The following PTPRD variants were observed in gnomAD, a reference collection of about 807,000 sequenced individuals.
PTPRD encodes the protein receptor-type tyrosine-protein phosphatase delta.
PTPRD carries 34 observed loss-of-function variants against 214.5 expected under a neutral mutation model. The observed-to-expected ratio is 0.16, with a 90% confidence interval of 0.12 to 0.21. The LOEUF is 0.21. PTPRD is among the 10% of genes least tolerant of loss of function. The probability of loss-of-function intolerance (pLI) is 1.00; values close to 1 mark genes in which losing one functional copy is unlikely to be tolerated. For missense variants in PTPRD, 2,545 were observed against 2,398.7 expected, an observed-to-expected ratio of 1.06 and a Z score of -1.27; for synonymous variants, 1,128 against 845.7, an observed-to-expected ratio of 1.33 and a Z score of -5.79.
intron 7 of PTPRD, among the ~76,000 whole-genome samples, chr9:9,586,536 G>C (rs1347454874): frequency 1.3e-5 from 2 of 151,798 alleles, no homozygotes; most frequent in Admixed American, 6.6e-5. Context: ...CTATATTCAG[G>C]TTAATTTAGT....
intron 11 of PTPRD, among the ~76,000 whole-genome samples, chr9:8,786,315 T>C (rs989581400): frequency 2.0e-5 from 3 of 151,836 alleles, no homozygotes; most frequent in Non-Finnish European, 4.4e-5. Flanking sequence ...GTGTGTTCAA[T>C]GCCGTGGTTA....
chr9:9,901,844 C>A (rs1291109268), intron 5 of PTPRD, among the ~76,000 whole-genome samples: 1 of 152,048 alleles, frequency 6.6e-6, no homozygotes, highest in Non-Finnish European at 1.5e-5. Context: ...CATGTCAGAG[C>A]CAGAGAGCAA....
chr9:9,631,394 T>G (rs181363182), intron 7 of PTPRD, among the ~76,000 whole-genome samples: 2 of 152,268 alleles, frequency 1.3e-5, no homozygotes, highest in East Asian at 3.9e-4. Flanking sequence ...TCTTTTGGCA[T>G]GCACATTCAG....
rs553176371 is a variant in PTPRD, at chr9:9,385,790, C to T, written c.-203+11659G>A. Among the ~76,000 whole-genome samples the T allele has an allele frequency of 5.3e-5, 8 of 152,202 alleles. No individual in the cohort carries two copies. The East Asian group carries it at 7.7e-4, about 15-fold the overall frequency. On this transcript the variant is annotated intron_variant, in intron 9 of 45. Transcript: ENST00000381196. ...TGGGGTGAATGTCACTTTTAAATTCCGCTTTCCATTTGAAGAAATAATCTT... is the reference window on the plus strand; with the variant it reads ...TGGGGTGAATGTCACTTTTAAATTCTGCTTTCCATTTGAAGAAATAATCTT...
At chr9:9,206,528 T>A (rs1235936217) in intron 9 of PTPRD, among the ~76,000 whole-genome samples, 1 of 152,080 alleles carries the variant, frequency 6.6e-6, no homozygotes, top group African/African-American at 2.4e-5. Flanking sequence ...CAAAAGAGAT[T>A]AACATGTGAG....
At chr9:10,013,207 G>C (rs1050645744) in intron 4 of PTPRD, among the ~76,000 whole-genome samples, 1 of 151,842 alleles carries the variant, frequency 6.6e-6, no homozygotes, top group Non-Finnish European at 1.5e-5. Flanking sequence ...AAGTTTTTCA[G>C]TGACTTTTAC....
In PTPRD at chr9:9,380,786, C is replaced by A. The variant is rs529421535; in HGVS notation, c.-203+16663G>T. The stretch of plus-strand genomic sequence containing the variant: ...ATTTCTGATACAGGACTGTCAAAAT[C>A]TCTATGATTGTGGATTCTTCCATTT... On this transcript the variant is annotated intron_variant, in intron 9 of 45. Transcript: ENST00000381196. Among the ~76,000 whole-genome samples, 5 of 152,244 alleles carry A rather than the reference C, an allele frequency of 3.3e-5. No individual in the cohort carries two copies. In the East Asian group the frequency reaches 9.6e-4, roughly 29 times the overall value.
chr9:10,200,330 A>C (rs1260760679), intron 3 of PTPRD, among the ~76,000 whole-genome samples: 2 of 152,116 alleles, frequency 1.3e-5, no homozygotes, highest in African/African-American at 4.8e-5. Flanking sequence ...TTTTCCACCC[A>C]GGGCAAATTT....
chr9:9,853,705 C>CA, intron 5 of PTPRD, among the ~76,000 whole-genome samples: 1 of 152,172 alleles, frequency 6.6e-6, no homozygotes, highest in East Asian at 1.9e-4. Flanking sequence ...CACAGCACTA[C>CA]ACCCAGCTAA....
chr9:8,659,870 G>A (rs1447207092), intron 12 of PTPRD, among the ~76,000 whole-genome samples: 3 of 152,132 alleles, frequency 2.0e-5, no homozygotes, highest in African/African-American at 7.2e-5. Flanking sequence ...TTGATCTAGA[G>A]AAAGAATATT....
chr9:8,789,823 T>G (rs2096149212), intron 11 of PTPRD, among the ~76,000 whole-genome samples: 1 of 152,190 alleles, frequency 6.6e-6, no homozygotes, highest in African/African-American at 2.4e-5. Context: ...ATTGAAGACT[T>G]AAATGTGAAA....
intron 2 of PTPRD, among the ~76,000 whole-genome samples, chr9:10,357,366 G>C (rs1020068121): frequency 6.6e-6 from 1 of 152,128 alleles, no homozygotes; most frequent in Non-Finnish European, 1.5e-5. Context: ...ATAATAATTG[G>C]CACTATTATT....
At chr9:8,551,177 C>A (rs1593464814) in intron 14 of PTPRD, among the ~76,000 whole-genome samples, 1 of 152,264 alleles carries the variant, frequency 6.6e-6, no homozygotes, top group East Asian at 1.9e-4. Flanking sequence ...AACTGGTAAT[C>A]CCTTCCTTAA....
chr9:10,454,538 C>T (rs2098889918), intron 2 of PTPRD, among the ~76,000 whole-genome samples: 1 of 151,670 alleles, frequency 6.6e-6, no homozygotes, highest in Admixed American at 6.6e-5. Flanking sequence ...GTAGACTATG[C>T]CTCCTACTTT....
chr9:9,803,307 T>TA (rs2099053279), intron 5 of PTPRD, among the ~76,000 whole-genome samples: 1 of 151,178 alleles, frequency 6.6e-6, no homozygotes, highest in South Asian at 2.1e-4. Context: ...TCATTGGTAG[T>TA]AAAAAATGTC....
chr9:10,190,928 T>C lies in PTPRD; in HGVS notation c.-545+150035A>G, dbSNP rs76215854. On this transcript the variant is annotated intron_variant, in intron 3 of 45. Transcript: ENST00000381196. Reference sequence around the variant, plus strand: ...ATCTAACTAAGGCACCAGTTAACTATTGTTACTGGGAATAAGAAAAAGCAA... The same window carrying C: ...ATCTAACTAAGGCACCAGTTAACTACTGTTACTGGGAATAAGAAAAAGCAA... Among the ~76,000 whole-genome samples the C allele has an allele frequency of 4.0e-4, 61 of 152,200 alleles. No individual in the cohort carries two copies. In the East Asian group the frequency reaches 0.012, roughly 29 times the overall value.
At chr9:10,229,588 A>C (rs2099601240) in intron 3 of PTPRD, among the ~76,000 whole-genome samples, 4 of 152,072 alleles carry the variant, frequency 2.6e-5, no homozygotes, top group Admixed American at 2.6e-4. Flanking sequence ...CAGTCTCAGC[A>C]CACTATCACA....
At chr9:8,510,699 C>T (rs2097660409) in intron 21 of PTPRD, among the ~76,000 whole-genome samples, 1 of 152,130 alleles carries the variant, frequency 6.6e-6, no homozygotes, top group Non-Finnish European at 1.5e-5. Context: ...GAGTGCACTA[C>T]CCACACTTCC....
At chr9:9,016,849 T>C (rs189124163) in intron 11 of PTPRD, among the ~76,000 whole-genome samples, 207 of 152,250 alleles carry the variant, frequency 1.4e-3, no homozygotes, top group African/African-American at 4.8e-3. Context: ...GTAGCAATCC[T>C]GTCACTAGGC....
Sources: gnomAD v4.1 joint callset for allele counts (sites outside exome capture counted in the v4.1 genomes callset) on GRCh38, gnomAD v4.1.1 for gene constraint, MANE v1.5 for transcripts, NCBI Gene and HGNC (gene_info 2026-07-23, HGNC 2026-07-21) for gene names.